The following HMGCS2 variants were observed in gnomAD, a reference collection of about 807,000 sequenced individuals.
HMGCS2 encodes hydroxymethylglutaryl-CoA synthase, mitochondrial.
Under a neutral mutation model 57.4 loss-of-function variants are expected in HMGCS2, and 50 were observed. That is an observed-to-expected ratio of 0.87 (90% CI 0.69 to 1.10). HMGCS2 has a LOEUF of 1.10. Among genes scored for constraint, HMGCS2 ranks in the 50% least tolerant of loss-of-function variants. The probability of loss-of-function intolerance (pLI) is 0.00; values close to 1 mark genes in which losing one functional copy is unlikely to be tolerated. For missense variants in HMGCS2, 627 were observed against 636.5 expected, an observed-to-expected ratio of 0.99 and a Z score of 0.16; for synonymous variants, 254 against 245.1, an observed-to-expected ratio of 1.04 and a Z score of -0.34.
In HMGCS2 at chr1:119,768,741, C is replaced by T. The variant is rs751101083; in HGVS notation, c.104G>A (p.Arg35Lys). 6.2e-7 allele frequency: 1 copy of T among 1,610,012 alleles called. No individual in the cohort carries two copies. Among genetic ancestry groups the T allele is most frequent in the South Asian group, 1.1e-5 (1 of 91,008 alleles). ...PARLLPVAHQ[R>K]FSTASAVPLA... ...AGGTGCTTCTCAGAAAGTGACTCAC[C>T]TTTGGTGGGCTACTGGGAGCAGGCG... Residue 35 changes from arginine (R) to lysine (K), a missense_variant and splice_region_variant, in exon 1 of 10, where the codon AGG (arginine) becomes AAG (lysine). Coordinates refer to ENST00000369406, the MANE Select transcript of HMGCS2 (RefSeq NM_005518.4).
chr1:119,768,316 C>T (rs1253009773), intron 1 of HMGCS2, among the ~76,000 whole-genome samples: 1 of 152,232 alleles, frequency 6.6e-6, no homozygotes, highest in Non-Finnish European at 1.5e-5. Flanking sequence ...AGCTTCTCAT[C>T]CTCAGTCCAT....
At chr1:119,753,429 A>C in intron 6 of HMGCS2, 43 bp from the exon 7 acceptor site, 2 of 810,306 alleles carry the variant, frequency 2.5e-6, no homozygotes, top group Non-Finnish European at 4.4e-6. Flanking sequence ...ACACACACAC[A>C]CACACACACA....
At chr1:119,758,677 A>AT (rs1652930474) in intron 4 of HMGCS2, among the ~76,000 whole-genome samples, 1 of 152,264 alleles carries the variant, frequency 6.6e-6, no homozygotes, top group Non-Finnish European at 1.5e-5. Flanking sequence ...AAAATCACTG[A>AT]TAACACTTCA....
At chr1:119,749,386 C>T (rs139399516) in intron 9 of HMGCS2, among the ~76,000 whole-genome samples, 13 of 141,190 alleles carry the variant, frequency 9.2e-5, no homozygotes, top group African/African-American at 3.4e-4. Context: ...CTCTCTCTCT[C>T]CCTTTCCCCC....
At chr1:119,767,241 T>C (rs996635424) in intron 1 of HMGCS2, among the ~76,000 whole-genome samples, 1 of 152,108 alleles carries the variant, frequency 6.6e-6, no homozygotes, top group Non-Finnish European at 1.5e-5. Flanking sequence ...CAAAAAGGAA[T>C]GTGAGCAAAA....
chr1:119,756,647 G>A (rs1046732579), intron 5 of HMGCS2, among the ~76,000 whole-genome samples: 3 of 152,232 alleles, frequency 2.0e-5, no homozygotes, highest in South Asian at 2.1e-4. Context: ...GTGTATTAGT[G>A]TAGTGAATCA....
rs1653134202 is a variant in HMGCS2, at chr1:119,764,235, A to C, written c.496T>G (p.Cys166Gly). ...AAGAGGGAGGCAGTACCACCGTAGC[A>C]GGCATTGGTGGTATCTATGCCCTCA... Reference protein sequence around the residue: ...DIEGIDTTNACYGGTASLFNA... With the variant: ...DIEGIDTTNAGYGGTASLFNA... The change falls in exon 2 of 10, where the codon TGC becomes GGC. Residue 166 changes from cysteine (C) to glycine (G), a missense_variant. Cys to Gly is a radical substitution (Grantham distance 159, BLOSUM62 -3). Transcript: ENST00000369406. 1.9e-6 allele frequency: 3 copies of C among 1,614,058 alleles called. No homozygotes were observed. Among genetic ancestry groups the C allele is most frequent in the Non-Finnish European group, 2.5e-6 (3 of 1,179,954 alleles).
chr1:119,750,948 A>G (rs757713899), intron 8 of HMGCS2, 40 bp from the exon 9 acceptor site: 19 of 1,224,438 alleles, frequency 1.6e-5, no homozygotes, highest in Admixed American at 5.1e-5. Context: ...ACAAAGAGTT[A>G]TATGAGTTTT....
intron 8 of HMGCS2, among the ~76,000 whole-genome samples, chr1:119,751,545 ATTT>A (rs200947072): frequency 8.0e-5 from 12 of 150,566 alleles, no homozygotes; most frequent in Non-Finnish European, 1.5e-4. Flanking sequence ...ACATAATTTT[ATTT>A]TTTTTATTAT....
intron 1 of HMGCS2, among the ~76,000 whole-genome samples, chr1:119,765,791 G>A (rs1653207886): frequency 6.6e-6 from 1 of 152,058 alleles, no homozygotes; most frequent in African/African-American, 2.4e-5. Flanking sequence ...CATACCCACT[G>A]TTTTCCTACT....
At chr1:119,759,321 G>A in intron 3 of HMGCS2, 39 bp from the exon 4 acceptor site, 1 of 1,595,082 alleles carries the variant, frequency 6.3e-7, no homozygotes. Context: ...ACTACACAAT[G>A]CAGCCTACCT....
intron 1 of HMGCS2, 89 bp from the exon 2 acceptor site, chr1:119,764,715 T>C: frequency 1.0e-6 from 1 of 998,120 alleles, no homozygotes; most frequent in Non-Finnish European, 1.6e-6. Context: ...TTAATTAATT[T>C]TCTATATTTT....
chr1:119,761,567 T>C (rs1425916508), intron 2 of HMGCS2, among the ~76,000 whole-genome samples: 3 of 152,110 alleles, frequency 2.0e-5, no homozygotes, highest in East Asian at 1.9e-4. Context: ...AGATCAAGAC[T>C]ATCCTGGCTA....
intron 1 of HMGCS2, among the ~76,000 whole-genome samples, chr1:119,765,768 T>C (rs1163455398): frequency 6.6e-6 from 1 of 152,258 alleles, no homozygotes; most frequent in East Asian, 1.9e-4. Context: ...CCTTTCTTTT[T>C]TCTACACAAG....
intron 2 of HMGCS2, among the ~76,000 whole-genome samples, chr1:119,761,927 A>G (rs1653058534): frequency 6.6e-6 from 1 of 152,248 alleles, no homozygotes; most frequent in South Asian, 2.1e-4. Context: ...GTTTGATAAT[A>G]TATACATTGT....
chr1:119,757,584 T>C, intron 4 of HMGCS2, 146 bp from the exon 5 acceptor site: 1 of 1,332,358 alleles, frequency 7.5e-7, no homozygotes, highest in Non-Finnish European at 1.0e-6. Context: ...GCTTTATTTA[T>C]TCATTTTACA....
chr1:119,756,657 A>C lies in HMGCS2; in HGVS notation c.1016+616T>G, dbSNP rs1571035007. Among the ~76,000 whole-genome samples the C allele has an allele frequency of 2.0e-5, 3 of 152,364 alleles. No homozygotes were observed. In the East Asian group the frequency reaches 5.8e-4, roughly 29 times the overall value. The stretch of plus-strand genomic sequence containing the variant: ...TATTAGTGTATTAGTGTAGTGAATC[A>C]ATAAACAGCATTCTTTCTGCTTTTT... On this transcript the variant is annotated intron_variant, in intron 5 of 9. Coordinates refer to ENST00000369406, the MANE Select transcript of HMGCS2 (RefSeq NM_005518.4).
intron 4 of HMGCS2, 90 bp downstream of exon 4, chr1:119,759,028 A>T: frequency 8.2e-7 from 1 of 1,219,518 alleles, no homozygotes; most frequent in East Asian, 2.3e-5. Flanking sequence ...TTTTCAAGGC[A>T]GGAGAGAAAA....
In HMGCS2 at chr1:119,749,015, A is replaced by G. The variant is rs113355282; in HGVS notation, c.*6-174T>C. Among the ~76,000 whole-genome samples, 622 of 152,242 alleles carry G rather than the reference A, an allele frequency of 4.1e-3. 4 individuals are homozygous for G. Among genetic ancestry groups the G allele is most frequent in the African/African-American group, 0.014 (595 of 41,558 alleles). ...TGGACACCTGAGGGATCTGTGCCCAATGCTACTGGAGCCAAGGCTGGGGGT... is the reference window on the plus strand; with the variant it reads ...TGGACACCTGAGGGATCTGTGCCCAGTGCTACTGGAGCCAAGGCTGGGGGT... On this transcript the variant is annotated intron_variant, in intron 9 of 9. Transcript: ENST00000369406.
Sources: gnomAD v4.1 joint callset for allele counts (sites outside exome capture counted in the v4.1 genomes callset) on GRCh38, gnomAD v4.1.1 for gene constraint, MANE v1.5 for transcripts, NCBI Gene and HGNC (gene_info 2026-07-23, HGNC 2026-07-21) for gene names.